Variants in CTNND2 observed in about 807,000 individuals in gnomAD.
CTNND2 encodes the protein catenin delta-2.
A neutral mutation model predicts 144.4 loss-of-function variants in CTNND2; 22 were observed. The ratio of observed to expected loss-of-function variants is 0.15; its 90% CI spans 0.11 to 0.22. The LOEUF is 0.22. CTNND2 is among the 10% of genes least tolerant of loss of function. The probability of loss-of-function intolerance (pLI) is 1.00; values close to 1 mark genes in which losing one functional copy is unlikely to be tolerated. For synonymous variants in CTNND2, 751 were observed against 695.6 expected (o/e 1.08, Z -1.25); for missense variants, 1,353 against 1,618.8 (o/e 0.84, Z 2.82).
At chr5:11,706,206 C>A (rs562448086) in intron 2 of CTNND2, among the ~76,000 whole-genome samples, 10 of 152,192 alleles carry the variant, frequency 6.6e-5, no homozygotes, top group Non-Finnish European at 1.0e-4. Context: ...GTGTGAGGTT[C>A]TGAGGAGGGG....
At chr5:11,415,694 T>G (rs542384194) in intron 3 of CTNND2, among the ~76,000 whole-genome samples, 1 of 152,070 alleles carries the variant, frequency 6.6e-6, no homozygotes, top group Admixed American at 6.5e-5. Context: ...GTGATATGAG[T>G]GAGGGTGTCA....
chr5:11,042,814 T>C (rs1284388409), intron 16 of CTNND2, among the ~76,000 whole-genome samples: 1 of 152,184 alleles, frequency 6.6e-6, no homozygotes, highest in Non-Finnish European at 1.5e-5. Flanking sequence ...CTTGGGGTGG[T>C]TGGACCATCA....
intron 18 of CTNND2, among the ~76,000 whole-genome samples, chr5:11,002,675 T>C (rs952399913): frequency 1.3e-5 from 2 of 152,308 alleles, no homozygotes; most frequent in Non-Finnish European, 1.5e-5. Flanking sequence ...GTTACGTGCA[T>C]GGTGGCTTCT....
At chr5:11,292,595 C>T (rs1299704215) in intron 9 of CTNND2, among the ~76,000 whole-genome samples, 1 of 152,166 alleles carries the variant, frequency 6.6e-6, no homozygotes, top group African/African-American at 2.4e-5. Flanking sequence ...TTCACACACT[C>T]TCTCTTGCCT....
chr5:11,584,749 A>T (rs1287205189), intron 2 of CTNND2, among the ~76,000 whole-genome samples: 1 of 152,166 alleles, frequency 6.6e-6, no homozygotes, highest in East Asian at 1.9e-4. Flanking sequence ...GATATGGCCA[A>T]ATAATATCAC....
At chr5:11,122,738 T>G (rs11746234) in intron 12 of CTNND2, among the ~76,000 whole-genome samples, 37,205 of 151,272 alleles carry the variant, frequency 0.25, 5,042 homozygotes, top group Middle Eastern at 0.39. Context: ...AGGAGTGGGG[T>G]GGGCTGTCTG....
chr5:11,021,159 T>A (rs915777581), intron 17 of CTNND2, among the ~76,000 whole-genome samples: 1 of 151,874 alleles, frequency 6.6e-6, no homozygotes, highest in Non-Finnish European at 1.5e-5. Flanking sequence ...TCAATAAAAC[T>A]TTTTTTTCTC....
intron 1 of CTNND2, among the ~76,000 whole-genome samples, chr5:11,750,060 A>G (rs982157594): frequency 2.6e-5 from 4 of 151,864 alleles, no homozygotes; most frequent in African/African-American, 9.7e-5. Flanking sequence ...CTATTCTTCA[A>G]CTAGTACCTT....
chr5:11,534,140 C>T (rs1323179819), intron 3 of CTNND2, among the ~76,000 whole-genome samples: 1 of 152,126 alleles, frequency 6.6e-6, no homozygotes, highest in African/African-American at 2.4e-5. Flanking sequence ...ATTTTGTAAG[C>T]CATTTTCACT....
At chr5:11,000,446 G>A (rs560772031) in intron 18 of CTNND2, among the ~76,000 whole-genome samples, 17 of 152,174 alleles carry the variant, frequency 1.1e-4, no homozygotes, top group Non-Finnish European at 2.2e-4. Flanking sequence ...GCTTGAAACC[G>A]TAAGGCAGAG....
intron 18 of CTNND2, among the ~76,000 whole-genome samples, chr5:11,017,382 C>A (rs1404246465): frequency 1.3e-5 from 2 of 151,850 alleles, no homozygotes; most frequent in Non-Finnish European, 2.9e-5. Context: ...TGGTGATCCA[C>A]GTTTGTCACT....
At chr5:11,689,256 T>C (rs758481853) in intron 2 of CTNND2, among the ~76,000 whole-genome samples, 5 of 152,176 alleles carry the variant, frequency 3.3e-5, no homozygotes, top group Non-Finnish European at 5.9e-5. Context: ...GGTTTCTTAA[T>C]CTGCAAAAAT....
intron 18 of CTNND2, among the ~76,000 whole-genome samples, chr5:11,004,546 C>T (rs1199578906): frequency 1.3e-5 from 2 of 152,142 alleles, no homozygotes; most frequent in East Asian, 3.9e-4. Flanking sequence ...GGTGGATCAC[C>T]TGAGATCGGG....
At chr5:11,737,051 C>T (rs1029060527) in intron 1 of CTNND2, among the ~76,000 whole-genome samples, 1 of 152,084 alleles carries the variant, frequency 6.6e-6, no homozygotes, top group African/African-American at 2.4e-5. Flanking sequence ...ATTTTTACCC[C>T]ATTTTTACAT....
chr5:11,723,705 G>T (rs115552088), intron 2 of CTNND2, among the ~76,000 whole-genome samples: 2,194 of 152,320 alleles, frequency 0.014, 50 homozygotes, highest in African/African-American at 0.05. Flanking sequence ...CCAACAGTAA[G>T]GAGGGGAGAC....
At chr5:11,378,414 A>T (rs1022806197) in intron 7 of CTNND2, among the ~76,000 whole-genome samples, 5 of 152,254 alleles carry the variant, frequency 3.3e-5, no homozygotes, top group African/African-American at 1.2e-4. Context: ...TGGAAGCTCC[A>T]GTTGAGAGCA....
At chr5:11,474,313 C>G (rs766124675) in intron 3 of CTNND2, among the ~76,000 whole-genome samples, 3 of 152,142 alleles carry the variant, frequency 2.0e-5, no homozygotes, top group African/African-American at 4.8e-5. Context: ...CCCAACTCTC[C>G]CAAAATGAGC....
chr5:10,973,401 C>A lies in CTNND2; in HGVS notation c.*52G>T. 1 of 1,474,984 alleles carries A rather than the reference C, an allele frequency of 6.8e-7. No homozygotes were observed. The highest frequency in any genetic ancestry group is 1.5e-5 in the South Asian group (1 of 67,442). The allele number at this position is 1,474,984 out of a possible 1,614,324, so 91.4% of individuals were successfully genotyped here. A position where few individuals can be genotyped will look rare whatever the true frequency, so the allele number is the denominator to read the frequency against. ...AAAAAAACAAAACAGAAAGAAATGT[C>A]TTGTGGTATGCATGCACATGCACTG... On this transcript the variant is annotated 3_prime_UTR_variant, in exon 22 of 22. Coordinates refer to ENST00000304623, the MANE Select transcript of CTNND2 (RefSeq NM_001332.4). The surrounding 1 kb of genome is among the most constrained non-coding windows in gnomAD (Gnocchi z 5.6).
chr5:11,778,371 A>G (rs1294198308), intron 1 of CTNND2, among the ~76,000 whole-genome samples: 2 of 152,106 alleles, frequency 1.3e-5, no homozygotes, highest in Non-Finnish European at 2.9e-5. Context: ...CCTCTTTCAA[A>G]TGGCTTTGAA....
Sources: gnomAD v4.1 joint callset for allele counts (sites outside exome capture counted in the v4.1 genomes callset) on GRCh38, gnomAD v4.1.1 for gene constraint, Gnocchi (gnomAD v3.1) non-coding constraint, MANE v1.5 for transcripts, NCBI Gene and HGNC (gene_info 2026-07-23, HGNC 2026-07-21) for gene names.